The following KIAA1958 variants were observed in gnomAD, a reference collection of about 807,000 sequenced individuals.
KIAA1958 encodes the protein KIAA1958, also known as uncharacterized protein KIAA1958.
In KIAA1958, 14 loss-of-function variants were observed where a neutral mutation model predicts 47.2. That is an observed-to-expected ratio of 0.30 (90% CI 0.20 to 0.46). The LOEUF is 0.46. Among genes scored for constraint, KIAA1958 ranks in the 20% least tolerant of loss-of-function variants. The pLI, the probability that KIAA1958 is intolerant of heterozygous loss-of-function variation, is 1.00. For missense variants in KIAA1958, 803 were observed against 909.2 expected (o/e 0.88, Z 1.50); for synonymous variants, 354 against 353.3 (o/e 1.00, Z -0.02).
At chr9:112,586,601 T>C (rs1001898182) in intron 2 of KIAA1958, among the ~76,000 whole-genome samples, 1 of 152,222 alleles carries the variant, frequency 6.6e-6, no homozygotes, top group Non-Finnish European at 1.5e-5. Context: ...GGCATTTTCA[T>C]ATTATACCAA....
chr9:112,611,345 G>A (rs1390364555), intron 2 of KIAA1958, among the ~76,000 whole-genome samples: 1 of 152,068 alleles, frequency 6.6e-6, no homozygotes, highest in Admixed American at 6.6e-5. Context: ...TATACTTGCA[G>A]AACCCAAGAT....
intron 2 of KIAA1958, among the ~76,000 whole-genome samples, chr9:112,578,690 C>G (rs1317474808): frequency 4.6e-5 from 7 of 152,018 alleles, no homozygotes; most frequent in African/African-American, 7.2e-5. Context: ...ATTTTCATGT[C>G]AATCCTGCCA....
intron 1 of KIAA1958, among the ~76,000 whole-genome samples, chr9:112,563,956 T>A (rs547200342): frequency 6.6e-6 from 1 of 152,334 alleles, no homozygotes; most frequent in South Asian, 2.1e-4. Flanking sequence ...TTTTGTCAAA[T>A]GCTTTTTTCT....
At chr9:112,521,601 A>G (rs1485656549) in intron 1 of KIAA1958, among the ~76,000 whole-genome samples, 1 of 152,136 alleles carries the variant, frequency 6.6e-6, no homozygotes, top group African/African-American at 2.4e-5. Context: ...ATTGCATTTC[A>G]GTCATAAATA....
intron 1 of KIAA1958, among the ~76,000 whole-genome samples, chr9:112,568,007 A>G (rs972583244): frequency 2.0e-5 from 3 of 152,088 alleles, no homozygotes; most frequent in African/African-American, 7.2e-5. Flanking sequence ...AATTCTGGAA[A>G]AAAATTAAAG....
intron 1 of KIAA1958, among the ~76,000 whole-genome samples, chr9:112,496,677 T>A (rs1834056595): frequency 6.6e-6 from 1 of 152,196 alleles, no homozygotes; most frequent in South Asian, 2.1e-4. Flanking sequence ...CCTGCCTCTT[T>A]GTTTGATTTG....
chr9:112,600,676 G>T (rs1346065255), intron 2 of KIAA1958, among the ~76,000 whole-genome samples: 2 of 152,174 alleles, frequency 1.3e-5, no homozygotes, highest in Non-Finnish European at 2.9e-5. Flanking sequence ...TTAAATACAT[G>T]AATGCCTGAC....
intron 3 of KIAA1958, among the ~76,000 whole-genome samples, chr9:112,646,679 G>A (rs947945040): frequency 2.0e-5 from 3 of 152,186 alleles, no homozygotes; most frequent in African/African-American, 4.8e-5. Flanking sequence ...CAGGGCTACA[G>A]TGTGCTACAG....
chr9:112,531,640 G>A (rs979630151), intron 1 of KIAA1958, among the ~76,000 whole-genome samples: 14 of 152,284 alleles, frequency 9.2e-5, no homozygotes, highest in Admixed American at 6.5e-4. Context: ...AGATACTGAA[G>A]GTTAAAAGGT....
At chr9:112,535,907 TG>T (rs1450107993) in intron 1 of KIAA1958, among the ~76,000 whole-genome samples, 1 of 152,226 alleles carries the variant, frequency 6.6e-6, no homozygotes, top group Non-Finnish European at 1.5e-5. Context: ...GTTGAGGAAT[TG>T]TCAACATTGT....
intron 1 of KIAA1958, among the ~76,000 whole-genome samples, chr9:112,517,025 T>G (rs901856554): frequency 1.3e-5 from 2 of 152,216 alleles, no homozygotes; most frequent in African/African-American, 4.8e-5. Context: ...ACTCAGTGAT[T>G]GGTATAAGAG....
chr9:112,597,684 C>T (rs752156725), intron 2 of KIAA1958, among the ~76,000 whole-genome samples: 25 of 152,170 alleles, frequency 1.6e-4, no homozygotes, highest in Non-Finnish European at 3.1e-4. Context: ...GAGGGAGACA[C>T]GTACAGACAT....
At chr9:112,638,561 T>C (rs1836845178) in intron 2 of KIAA1958, among the ~76,000 whole-genome samples, 1 of 152,198 alleles carries the variant, frequency 6.6e-6, no homozygotes, top group African/African-American at 2.4e-5. Context: ...TCAGCATTGT[T>C]ATTCTACGTG....
chr9:112,558,329 G>C (rs906835470), intron 1 of KIAA1958, among the ~76,000 whole-genome samples: 1 of 137,452 alleles, frequency 7.3e-6, no homozygotes, highest in Non-Finnish European at 1.5e-5. Flanking sequence ...ATTTTAAATG[G>C]TGTAGTATTA....
At chr9:112,563,494 G>C (rs1489434607) in intron 1 of KIAA1958, among the ~76,000 whole-genome samples, 1 of 152,020 alleles carries the variant, frequency 6.6e-6, no homozygotes, top group African/African-American at 2.4e-5. Flanking sequence ...ACTATAAGTA[G>C]AATTTCTTTA....
intron 3 of KIAA1958, among the ~76,000 whole-genome samples, chr9:112,649,826 G>C (rs1460850659): frequency 6.6e-6 from 1 of 152,078 alleles, no homozygotes; most frequent in African/African-American, 2.4e-5. Context: ...ATCATCAGCA[G>C]ATTCACACTT....
intron 1 of KIAA1958, among the ~76,000 whole-genome samples, chr9:112,536,297 A>G (rs1168109272): frequency 6.6e-6 from 1 of 152,264 alleles, no homozygotes; most frequent in Non-Finnish European, 1.5e-5. Context: ...ATATGGGTAA[A>G]CAAAAGGCCA....
intron 1 of KIAA1958, among the ~76,000 whole-genome samples, chr9:112,512,983 G>C (rs563496699): frequency 6.9e-6 from 1 of 145,194 alleles, no homozygotes; most frequent in Non-Finnish European, 1.5e-5. Context: ...GATTACAGGC[G>C]CCCGCCACCA....
At chr9:112,529,804 A>G (rs1834721611) in intron 1 of KIAA1958, among the ~76,000 whole-genome samples, 1 of 151,782 alleles carries the variant, frequency 6.6e-6, no homozygotes, top group South Asian at 2.1e-4. Context: ...CACTGTTTGC[A>G]GCTCACACTG....
Sources: gnomAD v4.1 joint callset for allele counts (sites outside exome capture counted in the v4.1 genomes callset) on GRCh38, gnomAD v4.1.1 for gene constraint, MANE v1.5 for transcripts, NCBI Gene and HGNC (gene_info 2026-07-23, HGNC 2026-07-21) for gene names.